Variants in GDI2 observed in about 807,000 individuals in gnomAD.
GDI2 encodes GDP dissociation inhibitor 2.
In GDI2, 22 loss-of-function variants were observed where a neutral mutation model predicts 54.2. That is an observed-to-expected ratio of 0.41 (90% CI 0.29 to 0.58). The LOEUF (loss-of-function observed/expected upper bound fraction) is 0.58, where lower values mean the gene tolerates loss of function less well. GDI2 is among the 20% of genes least tolerant of loss of function. GDI2 has a pLI of 0.35. For missense variants in GDI2, 422 were observed against 546.0 expected (o/e 0.77, Z 2.26); for synonymous variants, 177 against 182.1 (o/e 0.97, Z 0.23).
rs1030951423 is a variant in GDI2, at chr10:5,796,619, C to G, written c.253+144G>C. 4 of 566,134 alleles carry G rather than the reference C, an allele frequency of 7.1e-6. No individual in the cohort carries two copies. In the Admixed American group the frequency reaches 8.7e-5, roughly 12 times the overall value. 35.1% of individuals were successfully genotyped at this position (566,134 alleles called of 1,614,324 possible). On this transcript the variant is annotated intron_variant, in intron 3 of 10. Coordinates refer to ENST00000380191, the MANE Select transcript of GDI2 (RefSeq NM_001494.4). ...TTCCTAACTTATTGACTCCAGACAT[C>G]TAATGGACCATGTTACTCACCATGC...
At chr10:5,806,397 A>T (rs1841381952) in intron 1 of GDI2, among the ~76,000 whole-genome samples, 1 of 151,482 alleles carries the variant, frequency 6.6e-6, no homozygotes, top group Non-Finnish European at 1.5e-5. Flanking sequence ...TCTCTACAAA[A>T]GAAAATTTAA....
At chr10:5,784,538 T>G (rs142927682) in intron 6 of GDI2, among the ~76,000 whole-genome samples, 11 of 152,308 alleles carry the variant, frequency 7.2e-5, no homozygotes, top group African/African-American at 2.6e-4. Flanking sequence ...TCCAGTTCCT[T>G]CTCATCTGGA....
intron 6 of GDI2, among the ~76,000 whole-genome samples, chr10:5,782,358 T>A (rs1418683356): frequency 6.6e-6 from 1 of 152,234 alleles, no homozygotes; most frequent in Non-Finnish European, 1.5e-5. Context: ...AGAACTCTCA[T>A]ACACTGCTGA....
intron 1 of GDI2, among the ~76,000 whole-genome samples, chr10:5,808,818 A>C (rs569513422): frequency 6.6e-6 from 1 of 152,168 alleles, no homozygotes; most frequent in Non-Finnish European, 1.5e-5. Flanking sequence ...ACTTACCTAG[A>C]AACATGAGAA....
At chr10:5,771,043 C>T (rs546864468) in intron 7 of GDI2, among the ~76,000 whole-genome samples, 2 of 139,834 alleles carry the variant, frequency 1.4e-5, no homozygotes, top group African/African-American at 5.3e-5. Flanking sequence ...GGGAAAAAGA[C>T]TAATATTCAG....
intron 1 of GDI2, among the ~76,000 whole-genome samples, chr10:5,805,268 A>G (rs1241477954): frequency 6.6e-6 from 1 of 151,848 alleles, no homozygotes; most frequent in African/African-American, 2.4e-5. Flanking sequence ...GTTGTATCCA[A>G]ATCACCTGGA....
intron 4 of GDI2, among the ~76,000 whole-genome samples, chr10:5,790,015 A>G (rs184205404): frequency 6.6e-6 from 1 of 152,336 alleles, no homozygotes; most frequent in Non-Finnish European, 1.5e-5. Context: ...TTGTTCTCAC[A>G]TATTTTTCAT....
chr10:5,790,543 G>A (rs1840988210), intron 4 of GDI2, among the ~76,000 whole-genome samples: 2 of 152,170 alleles, frequency 1.3e-5, no homozygotes, highest in Non-Finnish European at 2.9e-5. Flanking sequence ...TACTTGGGGA[G>A]GCTGAGGCAG....
chr10:5,794,941 T>C lies in GDI2; in HGVS notation c.332A>G (p.Tyr111Cys), dbSNP rs753922992. The C allele has an allele frequency of 1.2e-5, 20 of 1,600,530 alleles. No homozygotes were observed. Among genetic ancestry groups the C allele is most frequent in the South Asian group, 3.3e-5 (3 of 90,804 alleles). The change falls in exon 4 of 11, where the codon TAT becomes TGT. Residue 111 changes from tyrosine (Y) to cysteine (C), a missense_variant. Tyr to Cys is a radical substitution (Grantham distance 194). Coordinates refer to ENST00000380191, the MANE Select transcript of GDI2 (RefSeq NM_001494.4). ...DFKVTEGSFV[Y>C]KGGKIYKVPS... The stretch of plus-strand genomic sequence containing the variant: ...AACCTTGTAGATTTTTCCACCCTTA[T>C]AGACAAAGCTCCCTTCAGTCACTTT...
rs576926011 is a variant in GDI2 at position 5,778,713 on chromosome 10, A to G, written c.720-4772T>C. Among the ~76,000 whole-genome samples, 6 of 152,372 alleles carry G rather than the reference A, an allele frequency of 3.9e-5. No individual in the cohort carries two copies. In the South Asian group the frequency reaches 1.0e-3, roughly 26 times the overall value. On this transcript the variant is annotated intron_variant, in intron 6 of 10. Coordinates refer to ENST00000380191, the MANE Select transcript of GDI2 (RefSeq NM_001494.4). ...AAATATCCTTTGCTTTTAATGATGC[A>G]TGAGTGGAAGTAATGCTAGTTGGCA...
chr10:5,794,341 A>G (rs1841100508), intron 4 of GDI2, among the ~76,000 whole-genome samples: 1 of 150,960 alleles, frequency 6.6e-6, no homozygotes, highest in African/African-American at 2.4e-5. Flanking sequence ...CACGTTGGGT[A>G]ATATAGCGTA....
intron 3 of GDI2, among the ~76,000 whole-genome samples, chr10:5,796,308 C>T (rs1202049081): frequency 6.7e-6 from 1 of 148,518 alleles, no homozygotes. Context: ...AAGATCATGC[C>T]ACTGCACTCC....
chr10:5,782,722 T>A (rs1840787284), intron 6 of GDI2, among the ~76,000 whole-genome samples: 1 of 152,112 alleles, frequency 6.6e-6, no homozygotes, highest in African/African-American at 2.4e-5. Flanking sequence ...TCACTTGAGG[T>A]CAGGAGTTCA....
intron 4 of GDI2, 73 bp from the exon 5 acceptor site, chr10:5,786,123 G>T: frequency 3.5e-5 from 26 of 751,680 alleles, no homozygotes; most frequent in Non-Finnish European, 5.3e-5. Flanking sequence ...TGAGAGCAAA[G>T]TTTAAACATG....
At chr10:5,798,641 A>C (rs1175988187) in intron 2 of GDI2, among the ~76,000 whole-genome samples, 2 of 152,094 alleles carry the variant, frequency 1.3e-5, no homozygotes, top group African/African-American at 4.8e-5. Flanking sequence ...CTGGGGAGAA[A>C]AAAAAGAAAA....
At chr10:5,793,434 T>G (rs1841061889) in intron 4 of GDI2, among the ~76,000 whole-genome samples, 1 of 152,234 alleles carries the variant, frequency 6.6e-6, no homozygotes, top group African/African-American at 2.4e-5. Context: ...CGCAACTGAA[T>G]GAGAAACTGT....
chr10:5,771,558 A>G (rs1840488599), intron 7 of GDI2, among the ~76,000 whole-genome samples: 1 of 152,194 alleles, frequency 6.6e-6, no homozygotes, highest in Non-Finnish European at 1.5e-5. Flanking sequence ...AAATGGTGTA[A>G]AAAAGTCTGT....
At chr10:5,777,884 C>G (rs897217837) in intron 6 of GDI2, among the ~76,000 whole-genome samples, 1 of 152,106 alleles carries the variant, frequency 6.6e-6, no homozygotes, top group Non-Finnish European at 1.5e-5. Flanking sequence ...TGGAACCAAC[C>G]CAAATATCCA....
chr10:5,788,939 GTAT>G (rs1325161556), intron 4 of GDI2, among the ~76,000 whole-genome samples: 1 of 151,650 alleles, frequency 6.6e-6, no homozygotes, highest in Non-Finnish European at 1.5e-5. Context: ...ATTTTTTTTT[GTAT>G]TTTTAGTAGA....
Sources: gnomAD v4.1 joint callset for allele counts (sites outside exome capture counted in the v4.1 genomes callset) on GRCh38, gnomAD v4.1.1 for gene constraint, MANE v1.5 for transcripts, NCBI Gene and HGNC (gene_info 2026-07-23, HGNC 2026-07-21) for gene names.